Variants in NEGR1 observed in about 807,000 individuals in gnomAD.
The protein encoded by NEGR1 is neuronal growth regulator 1.
A neutral mutation model predicts 40.9 loss-of-function variants in NEGR1; 10 were observed. The ratio of observed to expected loss-of-function variants is 0.24; its 90% CI spans 0.15 to 0.42. The LOEUF (loss-of-function observed/expected upper bound fraction) is 0.42. Among genes scored for constraint, NEGR1 ranks in the 10% least tolerant of loss-of-function variants. NEGR1 has a pLI of 1.00. For synonymous variants in NEGR1, 185 were observed against 166.8 expected (o/e 1.11, Z -0.84); for missense variants, 352 against 438.9 (o/e 0.80, Z 1.77).
rs1653081877 is a variant in NEGR1, at chr1:71,687,626, TC to T, written c.667+10381del. ...TCTCTATTCACTGGGAATCCTAACT[TC>T]CGTGGTTCTGCACTTTATTTCAGTG... On this transcript the variant is annotated intron_variant, in intron 4 of 6. Coordinates refer to ENST00000357731, the MANE Select transcript of NEGR1 (RefSeq NM_173808.3). 3.3e-5 allele frequency among the ~76,000 whole-genome samples: 5 copies of T among 152,340 alleles called. No individual in the cohort carries two copies. In the South Asian group the frequency reaches 8.3e-4, roughly 25 times the overall value.
At chr1:71,928,190 A>G (rs377246911) in intron 2 of NEGR1, among the ~76,000 whole-genome samples, 21 of 46,436 alleles carry the variant, frequency 4.5e-4, no homozygotes, top group African/African-American at 1.6e-3. Flanking sequence ...ACACATATGT[A>G]TATACGTATA....
chr1:72,225,724 GATAA>G (rs1329253266), intron 1 of NEGR1, among the ~76,000 whole-genome samples: 3 of 151,448 alleles, frequency 2.0e-5, no homozygotes, highest in African/African-American at 4.8e-5. Context: ...AATCTATCCT[GATAA>G]ATAATTTTTA....
chr1:71,762,401 T>A (rs1422050769), intron 3 of NEGR1, among the ~76,000 whole-genome samples: 2 of 152,220 alleles, frequency 1.3e-5, no homozygotes, highest in East Asian at 1.9e-4. Context: ...AGAATGCATA[T>A]GTTGTATCAA....
chr1:71,811,170 G>A (rs187986779), intron 2 of NEGR1, among the ~76,000 whole-genome samples: 4 of 152,052 alleles, frequency 2.6e-5, no homozygotes, highest in African/African-American at 7.2e-5. Context: ...TAAATCCTTC[G>A]GGGAACTGTA....
chr1:71,560,784 AG>A, intron 6 of NEGR1, among the ~76,000 whole-genome samples: 1 of 151,622 alleles, frequency 6.6e-6, no homozygotes, highest in Non-Finnish European at 1.5e-5. Flanking sequence ...TACTATGTAA[AG>A]GATAAGCTTC....
chr1:71,667,087 C>T (rs1652269423), intron 4 of NEGR1, among the ~76,000 whole-genome samples: 1 of 152,130 alleles, frequency 6.6e-6, no homozygotes, highest in Middle Eastern at 3.2e-3. Context: ...GTGAGCAGGG[C>T]TGTACAGAGA....
intron 1 of NEGR1, among the ~76,000 whole-genome samples, chr1:72,048,547 C>T (rs1021116764): frequency 6.6e-6 from 1 of 151,494 alleles, no homozygotes; most frequent in Non-Finnish European, 1.5e-5. Flanking sequence ...AAGGGAACCA[C>T]TAAATAATTG....
chr1:72,257,278 C>A (rs1311603543), intron 1 of NEGR1, among the ~76,000 whole-genome samples: 1 of 145,510 alleles, frequency 6.9e-6, no homozygotes, highest in South Asian at 2.2e-4. Context: ...GCCGAGATCC[C>A]GCCACTGCAC....
At chr1:71,802,715 G>C (rs1360669820) in intron 2 of NEGR1, among the ~76,000 whole-genome samples, 1 of 152,162 alleles carries the variant, frequency 6.6e-6, no homozygotes, top group Non-Finnish European at 1.5e-5. Flanking sequence ...ATAGGTTTTA[G>C]AATGGCTTGG....
chr1:72,058,841 T>A (rs1301168761), intron 1 of NEGR1, among the ~76,000 whole-genome samples: 1 of 151,750 alleles, frequency 6.6e-6, no homozygotes, highest in Non-Finnish European at 1.5e-5. Flanking sequence ...ATTGTTTCCT[T>A]TAATTCCTTT....
At position 71,513,951 on chromosome 1, in the gene NEGR1, GA is replaced by G. The variant is rs1384482353; in HGVS notation, c.940+78865del. ...CAGGGAGTTCCCTTTCCGAGTCAAA[GA>G]AAGGGGTGACGGACGCACCTGGAAA... On this transcript the variant is annotated intron_variant, in intron 6 of 6. Transcript: ENST00000357731. Among the ~76,000 whole-genome samples the G allele has an allele frequency of 6.4e-4, 89 of 139,934 alleles. 1 individual carries two copies. Among genetic ancestry groups the G allele is most frequent in the African/African-American group, 2.4e-3 (88 of 37,132 alleles). 91.8% of individuals were successfully genotyped at this position (139,934 alleles called of 152,430 possible). A position where few individuals can be genotyped will look rare whatever the true frequency, so the allele number is the denominator to read the frequency against.
At chr1:71,445,307 T>C (rs371190446) in intron 6 of NEGR1, among the ~76,000 whole-genome samples, 1 of 146,160 alleles carries the variant, frequency 6.8e-6, no homozygotes, top group African/African-American at 2.5e-5. Context: ...TGCTTTTTTT[T>C]TTAAAAAAAA....
chr1:71,685,431 G>T (rs1028147622), intron 4 of NEGR1, among the ~76,000 whole-genome samples: 1 of 149,770 alleles, frequency 6.7e-6, no homozygotes, highest in East Asian at 2.0e-4. Context: ...CAAGCGATTC[G>T]CCTGCCTTAG....
intron 6 of NEGR1, among the ~76,000 whole-genome samples, chr1:71,563,086 G>A (rs1391346449): frequency 6.6e-6 from 1 of 151,972 alleles, no homozygotes; most frequent in Non-Finnish European, 1.5e-5. Flanking sequence ...GGAAGTAAGT[G>A]AATATTTGTG....
At position 71,400,652 on chromosome 1, in the gene NEGR1, GTTTT is replaced by G. The variant is rs5775058; in HGVS notation, c.*6790_*6793del. ...ATTATTAGATAGATAGGTTACTTGG[GTTTT>G]TTTTTTTTTGGGTCATTAAAGTAGG... On this transcript the variant is annotated 3_prime_UTR_variant, in exon 7 of 7. Transcript: ENST00000357731. 7.2e-6 allele frequency: 1 copy of G among 139,826 alleles called. No homozygotes were observed. Among genetic ancestry groups the G allele is most frequent in the South Asian group, 2.3e-4 (1 of 4,430 alleles). The allele number at this position is 139,826 out of a possible 1,614,324, so 8.7% of individuals were successfully genotyped here. A position where few individuals can be genotyped will look rare whatever the true frequency, so the allele number is the denominator to read the frequency against.
At chr1:71,867,966 A>G (rs1306433020) in intron 2 of NEGR1, among the ~76,000 whole-genome samples, 1 of 152,190 alleles carries the variant, frequency 6.6e-6, no homozygotes, top group African/African-American at 2.4e-5. Flanking sequence ...TAGGATTATT[A>G]TCAATTTTGG....
At chr1:71,910,269 C>T (rs1044521778) in intron 2 of NEGR1, among the ~76,000 whole-genome samples, 6 of 152,238 alleles carry the variant, frequency 3.9e-5, no homozygotes, top group Non-Finnish European at 5.9e-5. Context: ...TATAAACTTG[C>T]GAGCAAGCAA....
At chr1:71,925,588 A>C (rs1188122783) in intron 2 of NEGR1, among the ~76,000 whole-genome samples, 1 of 152,220 alleles carries the variant, frequency 6.6e-6, no homozygotes, top group Non-Finnish European at 1.5e-5. Flanking sequence ...ATATTAGCAG[A>C]TTCCAATTTT....
At chr1:71,417,327 GTTTAAA>G (rs1399597729) in intron 6 of NEGR1, among the ~76,000 whole-genome samples, 2 of 151,970 alleles carry the variant, frequency 1.3e-5, no homozygotes, top group Non-Finnish European at 2.9e-5. Flanking sequence ...TAGATACATT[GTTTAAA>G]TTTCTGCATT....
Sources: gnomAD v4.1 joint callset for allele counts (sites outside exome capture counted in the v4.1 genomes callset) on GRCh38, gnomAD v4.1.1 for gene constraint, MANE v1.5 for transcripts, NCBI Gene and HGNC (gene_info 2026-07-23, HGNC 2026-07-21) for gene names.